TPST1: variants seen among roughly 807,000 people sequenced by gnomAD.
TPST1 encodes the protein tyrosylprotein sulfotransferase 1, also known as protein-tyrosine sulfotransferase 1.
TPST1 carries 20 observed loss-of-function variants against 34.8 expected under a neutral mutation model. That is an observed-to-expected ratio of 0.57 (90% CI 0.40 to 0.84). TPST1 has a LOEUF of 0.84. Among genes scored for constraint, TPST1 ranks in the 40% least tolerant of loss-of-function variants. The pLI is 0.00. For synonymous variants in TPST1, 152 were observed against 159.4 expected, an observed-to-expected ratio of 0.95 and a Z score of 0.35; for missense variants, 353 against 455.5, an observed-to-expected ratio of 0.78 and a Z score of 2.05.
intron 2 of TPST1, among the ~76,000 whole-genome samples, chr7:66,284,417 A>G (rs185666161): frequency 1.3e-5 from 2 of 151,916 alleles, no homozygotes; most frequent in East Asian, 3.9e-4. Flanking sequence ...TCAAAAACCC[A>G]CATGCTTTTT....
upstream of TPST1, among the ~76,000 whole-genome samples, chr7:66,201,298 C>T (rs1220931534): frequency 1.3e-5 from 2 of 149,896 alleles, no homozygotes; most frequent in East Asian, 3.9e-4. Context: ...AATCCCACCA[C>T]TTTGGGAGGC....
rs1013691978 is a variant in TPST1 at position 66,242,720 on chromosome 7, C to T, written c.845+1450C>T. On this transcript the variant is annotated intron_variant, in intron 2 of 5. Coordinates refer to ENST00000304842, the MANE Select transcript of TPST1 (RefSeq NM_003596.4). Reference sequence around the variant, plus strand: ...TACATCTGCTAATATAAAAGGAGGCCATTAGACCACCAGCCTCTTCAGTAG... The same window carrying T: ...TACATCTGCTAATATAAAAGGAGGCTATTAGACCACCAGCCTCTTCAGTAG... Among the ~76,000 whole-genome samples, 11 of 152,160 alleles carry T rather than the reference C, an allele frequency of 7.2e-5. No individual in the cohort carries two copies. In the East Asian group the frequency reaches 9.6e-4, roughly 13 times the overall value.
intron 2 of TPST1, among the ~76,000 whole-genome samples, chr7:66,285,233 G>GCTTTT (rs1791012163): frequency 6.6e-6 from 1 of 152,174 alleles, no homozygotes; most frequent in Non-Finnish European, 1.5e-5. Context: ...TGATGGGAGT[G>GCTTTT]AATGGCAGGT....
Position 66,215,772 on chromosome 7 carries a change from TTTC to T in TPST1, c.-102+10253_-102+10255del, listed in dbSNP as rs763632283. On this transcript the variant is annotated intron_variant, in intron 1 of 5. Transcript: ENST00000304842. ...CATCTTGTCCTGGTTTTTCTTTTTC[TTTC>T]TTTTTTTTTTTTTTTGAGACGGAGT... Among the ~76,000 whole-genome samples, 14 of 82,436 alleles carry T rather than the reference TTTC, an allele frequency of 1.7e-4. 4 individuals are homozygous for T. The highest frequency in any genetic ancestry group is 2.2e-4 in the Non-Finnish European group (9 of 40,490). 54.1% of individuals were successfully genotyped at this position (82,436 alleles called of 152,430 possible).
intron 3 of TPST1, among the ~76,000 whole-genome samples, chr7:66,325,881 G>A (rs1189519864): frequency 5.3e-5 from 8 of 152,140 alleles, no homozygotes; most frequent in Non-Finnish European, 1.0e-4. Context: ...TGATCTGCCC[G>A]CCTTGGCCTC....
In TPST1 at chr7:66,219,946, A is replaced by G. The variant is rs556983068; in HGVS notation, c.-102+14424A>G. Among the ~76,000 whole-genome samples the G allele has an allele frequency of 4.6e-5, 7 of 152,342 alleles. No individual in the cohort carries two copies. The East Asian group carries it at 1.2e-3, about 25-fold the overall frequency. On this transcript the variant is annotated intron_variant, in intron 1 of 5. Coordinates refer to ENST00000304842, the MANE Select transcript of TPST1 (RefSeq NM_003596.4). Reference sequence around the variant, plus strand: ...GCAGCAATGTAAGGGATTGCAAAAAAGATTTTGATTCATTCATCAACAAGA... The same window carrying G: ...GCAGCAATGTAAGGGATTGCAAAAAGGATTTTGATTCATTCATCAACAAGA...
At chr7:66,347,092 G>T (rs773546594) in intron 3 of TPST1, among the ~76,000 whole-genome samples, 1 of 77,130 alleles carries the variant, frequency 1.3e-5, no homozygotes, top group Admixed American at 1.8e-4. Flanking sequence ...TTTTGAGACA[G>T]GGTCTCACTC....
At chr7:66,202,876 C>A (rs1562790157), upstream of TPST1, among the ~76,000 whole-genome samples, 2 of 152,108 alleles carry the variant, frequency 1.3e-5, no homozygotes. Flanking sequence ...GAGTTTGAGA[C>A]CAGCCCGGCC....
At chr7:66,203,656 T>G (rs1455102309), upstream of TPST1, among the ~76,000 whole-genome samples, 1 of 151,672 alleles carries the variant, frequency 6.6e-6, no homozygotes, top group Non-Finnish European at 1.5e-5. Flanking sequence ...TGGCTAAATT[T>G]TTGTATTTTT....
At chr7:66,328,606 A>G (rs560376099) in intron 3 of TPST1, among the ~76,000 whole-genome samples, 1 of 151,648 alleles carries the variant, frequency 6.6e-6, no homozygotes, top group Admixed American at 6.6e-5. Flanking sequence ...GTGCAGTGGC[A>G]TGATCTTGGC....
At chr7:66,286,046 T>C (rs1396188213) in intron 2 of TPST1, among the ~76,000 whole-genome samples, 1 of 152,224 alleles carries the variant, frequency 6.6e-6, no homozygotes, top group Non-Finnish European at 1.5e-5. Context: ...GAAAGACTTA[T>C]ACCCACCAGC....
intron 3 of TPST1, among the ~76,000 whole-genome samples, chr7:66,323,502 T>TATTA (rs545433188): frequency 5.1e-4 from 78 of 152,242 alleles, no homozygotes; most frequent in Non-Finnish European, 8.8e-4. Context: ...TATTATTATG[T>TATTA]ATTACACTGG....
intron 1 of TPST1, among the ~76,000 whole-genome samples, chr7:66,229,547 G>A (rs1296407017): frequency 2.0e-5 from 3 of 152,174 alleles, no homozygotes; most frequent in African/African-American, 7.2e-5. Flanking sequence ...TTAACTCATT[G>A]GATAATTTCC....
At chr7:66,313,513 A>G (rs141864908) in intron 3 of TPST1, among the ~76,000 whole-genome samples, 160 of 152,348 alleles carry the variant, frequency 1.1e-3, no homozygotes, top group African/African-American at 3.5e-3. Flanking sequence ...AGCAGTGGGC[A>G]GTGATCCTTA....
Position 66,332,523 on chromosome 7 carries a change from T to C in TPST1, c.1045-19982T>C, listed in dbSNP as rs1792017805. 6.6e-6 allele frequency among the ~76,000 whole-genome samples: 1 copy of C among 152,170 alleles called. No homozygotes were observed. Among genetic ancestry groups the C allele is most frequent in the South Asian group, 2.1e-4 (1 of 4,836 alleles). ...CCTGACCTCAGGTGATCCACCCGCC[T>C]CGGCCTCCCAAAGTGCTAGGATTAC... On this transcript the variant is annotated intron_variant, in intron 3 of 5. Coordinates refer to ENST00000304842, the MANE Select transcript of TPST1 (RefSeq NM_003596.4). This position sits in a 1 kb window ranked among gnomAD's most constrained non-coding sequence, Gnocchi z 4.5.
intron 1 of TPST1, among the ~76,000 whole-genome samples, chr7:66,231,143 C>T (rs1328296073): frequency 1.3e-5 from 2 of 152,074 alleles, no homozygotes; most frequent in African/African-American, 4.8e-5. Flanking sequence ...TCGATTGGTG[C>T]ACTCACAAAC....
chr7:66,255,095 G>C (rs1203489432), intron 2 of TPST1, among the ~76,000 whole-genome samples: 1 of 150,492 alleles, frequency 6.6e-6, no homozygotes, highest in Admixed American at 6.6e-5. Flanking sequence ...TGCAGTGAGC[G>C]GAGATCATGC....
At chr7:66,225,213 G>A (rs1026523392) in intron 1 of TPST1, among the ~76,000 whole-genome samples, 1 of 150,884 alleles carries the variant, frequency 6.6e-6, no homozygotes, top group Admixed American at 6.6e-5. Flanking sequence ...CACCGCACCC[G>A]GCCCATTCTG....
At chr7:66,355,243 G>T (rs7801332) in intron 4 of TPST1, among the ~76,000 whole-genome samples, 34,754 of 151,634 alleles carry the variant, frequency 0.23, 4,150 homozygotes, top group Middle Eastern at 0.3. Context: ...GGAGGCCAAG[G>T]CGGCTGGATC....
Sources: allele counts gnomAD v4.1 joint callset (sites outside exome capture counted in the v4.1 genomes callset), GRCh38; gene constraint gnomAD v4.1.1; non-coding constraint Gnocchi (gnomAD v3.1); transcripts MANE v1.5; gene names NCBI Gene and HGNC (gene_info 2026-07-23, HGNC 2026-07-21).